Variants in TTC6 observed in about 807,000 individuals in gnomAD.
TTC6 encodes the protein tetratricopeptide repeat protein 6.
A neutral mutation model predicts 210.4 loss-of-function variants in TTC6; 172 were observed. The observed-to-expected ratio is 0.82, with a 90% CI of 0.72 to 0.93. The LOEUF is 0.93. TTC6 is among the 40% of genes least tolerant of loss of function. The pLI, the probability that TTC6 is intolerant of heterozygous loss-of-function variation, is 0.00. For synonymous variants in TTC6, 804 were observed against 819.6 expected (o/e 0.98, Z 0.32); for missense variants, 2,414 against 2,318.1 (o/e 1.04, Z -0.85).
chr14:37,741,251 A>G (rs1001627792), intron 10 of TTC6, among the ~76,000 whole-genome samples: 2 of 130,916 alleles, frequency 1.5e-5, no homozygotes, highest in African/African-American at 6.5e-5. Context: ...TTTTGTTCCT[A>G]TACTTTGAGA....
chr14:37,743,607 A>G (rs1346269061), intron 10 of TTC6, among the ~76,000 whole-genome samples: 1 of 152,238 alleles, frequency 6.6e-6, no homozygotes, highest in African/African-American at 2.4e-5. Context: ...TTGTATATCT[A>G]TAAAGAAACC....
intron 1 of TTC6, among the ~76,000 whole-genome samples, chr14:37,601,204 C>T (rs1299705120): frequency 6.6e-6 from 1 of 152,196 alleles, no homozygotes; most frequent in African/African-American, 2.4e-5. Context: ...AACAACTGAG[C>T]CCTGCCCTCC....
rs967504305 is a variant in TTC6 at position 37,765,325 on chromosome 14, ATTTTTTTTT to A, written c.3266+12102_3266+12110del. Among the ~76,000 whole-genome samples, 78 of 132,930 alleles carry A rather than the reference ATTTTTTTTT, an allele frequency of 5.9e-4. 1 individual carries two copies. Among genetic ancestry groups the A allele is most frequent in the East Asian group, 3.5e-3 (16 of 4,628 alleles). The allele number at this position is 132,930 out of a possible 152,430, so 87.2% of individuals were successfully genotyped here. On this transcript the variant is annotated intron_variant, in intron 14 of 30. Coordinates refer to ENST00000553443, the Ensembl canonical transcript of TTC6. ...CTATAGGTGCACACCACCACACCTA[ATTTTTTTTT>A]TTTTTTTTTTTGTAGAGAGGCACAA...
intron 7 of TTC6, among the ~76,000 whole-genome samples, chr14:37,730,173 T>A (rs1324443020): frequency 1.3e-5 from 2 of 152,220 alleles, no homozygotes; most frequent in Non-Finnish European, 2.9e-5. Context: ...GATGCACAGA[T>A]CTATGTGCTC....
intron 6 of TTC6, among the ~76,000 whole-genome samples, chr14:37,718,930 C>CAATA (rs970376984): frequency 2.6e-5 from 4 of 151,530 alleles, no homozygotes; most frequent in African/African-American, 9.7e-5. Context: ...ATCCCCATGT[C>CAATA]AATAAATAAA....
At chr14:37,651,299 C>G in intron 1 of TTC6, among the ~76,000 whole-genome samples, 1 of 147,566 alleles carries the variant, frequency 6.8e-6, no homozygotes, top group Non-Finnish European at 1.5e-5. Context: ...AGATTCCTGT[C>G]ATTATCCATT....
chr14:37,673,777 G>A (rs79051014), intron 1 of TTC6, among the ~76,000 whole-genome samples: 161 of 152,194 alleles, frequency 1.1e-3, no homozygotes, highest in African/African-American at 3.8e-3. Context: ...ATCCTTCAAG[G>A]TCCTTCCAGC....
intron 4 of TTC6, among the ~76,000 whole-genome samples, chr14:37,698,235 C>T (rs1287754259): frequency 1.3e-5 from 2 of 152,096 alleles, no homozygotes; most frequent in African/African-American, 4.8e-5. Context: ...AATTTTCTCA[C>T]TAGCCCTCAA....
intron 5 of TTC6, among the ~76,000 whole-genome samples, chr14:37,711,564 G>A (rs113303293): frequency 4.6e-4 from 70 of 152,154 alleles, no homozygotes; most frequent in Non-Finnish European, 9.3e-4. Context: ...AGCACATAAG[G>A]CATTTTTTTT....
rs549546710 is a variant in TTC6 at position 37,795,394 on chromosome 14, A to G, written c.3791+42A>G. 141 of 1,343,328 alleles carry G rather than the reference A, an allele frequency of 1.0e-4. 2 individuals are homozygous for G. The South Asian group carries it at 1.9e-3, about 18-fold the overall frequency. 83.2% of individuals were successfully genotyped at this position (1,343,328 alleles called of 1,614,324 possible). On this transcript the variant is annotated intron_variant, in intron 18 of 30. Transcript: ENST00000553443. ...TGAATTCTTCTTGGGATAACTTAGCATCAGAGAAATTGAATGGGGATCTTC... is the reference window on the plus strand; with the variant it reads ...TGAATTCTTCTTGGGATAACTTAGCGTCAGAGAAATTGAATGGGGATCTTC...
chr14:37,765,603 G>A (rs1364666829), intron 14 of TTC6, among the ~76,000 whole-genome samples: 2 of 152,020 alleles, frequency 1.3e-5, no homozygotes, highest in African/African-American at 2.4e-5. Context: ...TGTGCTACTG[G>A]CTTTTAAATT....
intron 22 of TTC6, among the ~76,000 whole-genome samples, chr14:37,807,095 G>A (rs1020057002): frequency 6.6e-6 from 1 of 151,904 alleles, no homozygotes; most frequent in African/African-American, 2.4e-5. Flanking sequence ...GATAAATATG[G>A]CAAAATGTTA....
chr14:37,651,387 TTATATATATATATATA>T (rs1199665217), intron 1 of TTC6, among the ~76,000 whole-genome samples: 49 of 30,908 alleles, frequency 1.6e-3, no homozygotes, highest in African/African-American at 3.4e-3. Context: ...ACTGTTTATG[TTATATATATATATATA>T]TATATATATA....
intron 14 of TTC6, among the ~76,000 whole-genome samples, chr14:37,755,121 T>C (rs1488566883): frequency 2.0e-5 from 3 of 152,220 alleles, no homozygotes; most frequent in Admixed American, 6.5e-5. Flanking sequence ...TGATATCTCA[T>C]TGTGGTTTTG....
intron 29 of TTC6, among the ~76,000 whole-genome samples, chr14:37,830,847 A>G (rs562982761): frequency 6.6e-6 from 1 of 152,200 alleles, no homozygotes; most frequent in African/African-American, 2.4e-5. Flanking sequence ...GGCACATGAT[A>G]TTTTGATATG....
chr14:37,774,294 A>C (rs962994884), intron 14 of TTC6, among the ~76,000 whole-genome samples: 1 of 151,892 alleles, frequency 6.6e-6, no homozygotes, highest in Non-Finnish European at 1.5e-5. Flanking sequence ...TTCCAGTACT[A>C]TGGTCAATAG....
chr14:37,637,631 T>C lies in TTC6; in HGVS notation c.939+14628T>C, dbSNP rs376988690. Among the ~76,000 whole-genome samples, 26 of 151,540 alleles carry C rather than the reference T, an allele frequency of 1.7e-4. 1 individual carries two copies. In the South Asian group the frequency reaches 5.4e-3, roughly 32 times the overall value. On this transcript the variant is annotated intron_variant, in intron 1 of 30. Transcript: ENST00000553443. ...ACCTGGGTGACAGAGTGAGACCGGGTCCTGAGGAAAAAAAAGAGAAAAAAA... is the reference window on the plus strand; with the variant it reads ...ACCTGGGTGACAGAGTGAGACCGGGCCCTGAGGAAAAAAAAGAGAAAAAAA...
At chr14:37,802,056 A>T (rs959654453) in intron 20 of TTC6, 2 of 152,186 alleles carry the variant, frequency 1.3e-5, no homozygotes, top group Non-Finnish European at 2.9e-5. Context: ...ATGGAATATT[A>T]TGCAGCATAA....
chr14:37,608,320 T>G (rs1271698163), intron 2 of TTC6, among the ~76,000 whole-genome samples: 1 of 152,044 alleles, frequency 6.6e-6, no homozygotes, highest in Non-Finnish European at 1.5e-5. Context: ...TTGTTGTTGT[T>G]GTTTTTTGAG....
Sources: allele counts gnomAD v4.1 joint callset (sites outside exome capture counted in the v4.1 genomes callset), GRCh38; gene constraint gnomAD v4.1.1; transcripts MANE v1.5; gene names NCBI Gene and HGNC (gene_info 2026-07-23, HGNC 2026-07-21).